Variants in PARD3B observed in about 807,000 individuals in gnomAD.
The protein encoded by PARD3B is partitioning defective 3 homolog B.
PARD3B carries 103 observed loss-of-function variants against 130.2 expected under a neutral mutation model. The ratio of observed to expected loss-of-function variants is 0.79; its 90% CI spans 0.67 to 0.93. The LOEUF is 0.93. Among genes scored for constraint, PARD3B ranks in the 40% least tolerant of loss-of-function variants. PARD3B has a pLI of 0.00. For synonymous variants in PARD3B, 583 were observed against 553.2 expected, an observed-to-expected ratio of 1.05 and a Z score of -0.76; for missense variants, 1,609 against 1,499.2, an observed-to-expected ratio of 1.07 and a Z score of -1.21.
rs141652774 is a variant in PARD3B at position 205,584,448 on chromosome 2, C to T, written c.3261-31008C>T. Among the ~76,000 whole-genome samples, 10,884 of 152,124 alleles carry T rather than the reference C, an allele frequency of 0.072. 546 individuals carry two copies. Among genetic ancestry groups the T allele is most frequent in the Non-Finnish European group, 0.11 (7,698 of 67,984 alleles). ...ATCCCAGCACTTTAGGAGGCCGAGG[C>T]AGGCCGATCACCTGACGTCAGGAGT... On this transcript the variant is annotated intron_variant, in intron 22 of 22. Transcript: ENST00000406610. This position sits in a 1 kb window ranked among gnomAD's most constrained non-coding sequence, Gnocchi z 5.5.
Position 205,619,595 on chromosome 2 carries a change from C to T in PARD3B, c.*3782C>T, listed in dbSNP as rs1275344862. 1 of 152,064 alleles carries T rather than the reference C, an allele frequency of 6.6e-6. No homozygotes were observed. Among genetic ancestry groups the T allele is most frequent in the Non-Finnish European group, 1.5e-5 (1 of 68,002 alleles). The allele number at this position is 152,064 out of a possible 1,614,324, so 9.4% of individuals were successfully genotyped here. Reference sequence around the variant, plus strand: ...AACTTAGCTGGAAACGATGCCACAGCGAGACCAGAAAGAGGAGTCGCCTTA... The same window carrying T: ...AACTTAGCTGGAAACGATGCCACAGTGAGACCAGAAAGAGGAGTCGCCTTA... On this transcript the variant is annotated 3_prime_UTR_variant, in exon 23 of 23. Coordinates refer to ENST00000406610, the MANE Select transcript of PARD3B (RefSeq NM_001302769.2).
chr2:205,500,509 C>A (rs1004805643), intron 21 of PARD3B, among the ~76,000 whole-genome samples: 1 of 152,002 alleles, frequency 6.6e-6, no homozygotes, highest in African/African-American at 2.4e-5. Context: ...GAGATAAGGG[C>A]AGTTTTTGTA....
intron 3 of PARD3B, among the ~76,000 whole-genome samples, chr2:204,973,092 C>T (rs73984457): frequency 0.01 from 1,540 of 152,278 alleles, 23 homozygotes; most frequent in African/African-American, 0.035. Context: ...AGTAAAACCA[C>T]CATCGTCCTC....
At chr2:205,032,430 A>G (rs1697492262) in intron 3 of PARD3B, among the ~76,000 whole-genome samples, 1 of 152,124 alleles carries the variant, frequency 6.6e-6, no homozygotes, top group Admixed American at 6.6e-5. Context: ...GCATAATGTA[A>G]AAGGTGCCTG....
intron 21 of PARD3B, among the ~76,000 whole-genome samples, chr2:205,513,338 A>G (rs1052097012): frequency 6.6e-6 from 1 of 152,012 alleles, no homozygotes; most frequent in African/African-American, 2.4e-5. Flanking sequence ...CTTTCTATGT[A>G]TGGATATATA....
rs2041150535 is a variant in PARD3B at position 205,280,592 on chromosome 2, T to TAAG, written c.2186-19937_2186-19935dup. 2.0e-5 allele frequency among the ~76,000 whole-genome samples: 3 copies of TAAG among 152,224 alleles called. No individual in the cohort carries two copies. Among genetic ancestry groups the TAAG allele is most frequent in the Admixed American group, 2.0e-4 (3 of 15,290 alleles). The stretch of plus-strand genomic sequence containing the variant: ...CAAATTCCGATGTCAGTTTTGTAAA[T>TAAG]AAGTATCTGTTGTCTCCCCAGATCA... On this transcript the variant is annotated intron_variant, in intron 16 of 22. Transcript: ENST00000406610. The surrounding 1 kb of genome is among the most constrained non-coding windows in gnomAD (Gnocchi z 4.7).
Position 205,300,136 on chromosome 2 carries a change from G to T in PARD3B, c.2186-394G>T, listed in dbSNP as rs1427972939. On this transcript the variant is annotated intron_variant, in intron 16 of 22. Coordinates refer to ENST00000406610, the MANE Select transcript of PARD3B (RefSeq NM_001302769.2). The surrounding 1 kb of genome is among the most constrained non-coding windows in gnomAD (Gnocchi z 4.1). ...GCTTGGTATGTTTGTGTGTGTGTCTGTGAGTATGCATGTGTGTATGTGGGT... is the reference window on the plus strand; with the variant it reads ...GCTTGGTATGTTTGTGTGTGTGTCTTTGAGTATGCATGTGTGTATGTGGGT... 6.6e-6 allele frequency among the ~76,000 whole-genome samples: 1 copy of T among 152,188 alleles called. No individual in the cohort carries two copies. Among genetic ancestry groups the T allele is most frequent in the Non-Finnish European group, 1.5e-5 (1 of 68,032 alleles).
chr2:205,551,696 C>T (rs1354793114), intron 21 of PARD3B, among the ~76,000 whole-genome samples: 2 of 152,154 alleles, frequency 1.3e-5, no homozygotes, highest in African/African-American at 4.8e-5. Flanking sequence ...CTCCCCATAT[C>T]CCCAACCCCA....
At chr2:204,556,541 C>A (rs112129165) in intron 1 of PARD3B, among the ~76,000 whole-genome samples, 2 of 151,894 alleles carry the variant, frequency 1.3e-5, no homozygotes, top group East Asian at 3.9e-4. Context: ...GAATTTTCCA[C>A]GAGAAAAGTG....
intron 11 of PARD3B, among the ~76,000 whole-genome samples, chr2:205,169,777 A>C (rs1217247654): frequency 6.6e-6 from 1 of 152,146 alleles, no homozygotes; most frequent in Admixed American, 6.5e-5. Context: ...AAAACCACAC[A>C]TCAGTCTCCA....
chr2:204,545,895 G>T lies in PARD3B; in HGVS notation c.-105G>T, dbSNP rs368395071. 2.4e-3 allele frequency: 3,071 copies of T among 1,284,294 alleles called. 5 individuals carry two copies. Among genetic ancestry groups the T allele is most frequent in the Middle Eastern group, 3.7e-3 (13 of 3,546 alleles). 79.6% of individuals were successfully genotyped at this position (1,284,294 alleles called of 1,614,324 possible). Reference sequence around the variant, plus strand: ...AGGGTGTTCCGGGGAGCGGCGCCCCGGGTCTCTGGGCCCACCCGCCCCGGG... The same window carrying T: ...AGGGTGTTCCGGGGAGCGGCGCCCCTGGTCTCTGGGCCCACCCGCCCCGGG... On this transcript the variant is annotated 5_prime_UTR_variant, in exon 1 of 23. Transcript: ENST00000406610.
chr2:205,308,299 G>T (rs4675511), intron 18 of PARD3B, among the ~76,000 whole-genome samples: 84,748 of 151,852 alleles, frequency 0.56, 27,336 homozygotes, highest in South Asian at 0.75. Flanking sequence ...TGAGTTCATT[G>T]TGGTGAGATT....
chr2:204,607,779 C>T (rs1343679182), intron 1 of PARD3B, among the ~76,000 whole-genome samples: 7 of 152,152 alleles, frequency 4.6e-5, no homozygotes, highest in Admixed American at 3.9e-4. Flanking sequence ...CCTGTACTAA[C>T]AGACTTCGCG....
At chr2:205,257,338 T>A (rs973254676) in intron 16 of PARD3B, among the ~76,000 whole-genome samples, 18 of 151,962 alleles carry the variant, frequency 1.2e-4, no homozygotes, top group African/African-American at 3.6e-4. Flanking sequence ...AGTTTTTTTT[T>A]TAAACCAAGC....
chr2:204,686,083 C>G (rs1472509008), intron 1 of PARD3B, 98 bp from the exon 2 acceptor site: 1 of 801,564 alleles, frequency 1.2e-6, no homozygotes, highest in Non-Finnish European at 2.0e-6. Context: ...ATTACTAGAA[C>G]ATATTTTTAA....
In PARD3B at chr2:205,568,673, A is replaced by G. The variant is rs2053450734; in HGVS notation, c.3260+15270A>G. On this transcript the variant is annotated intron_variant, in intron 22 of 22. Transcript: ENST00000406610. This position sits in a 1 kb window ranked among gnomAD's most constrained non-coding sequence, Gnocchi z 5.3. ...GAGGTAAAGTTCTACATGGATTTCAACATGTCATCTTTGCTTCAATTATGA... is the reference window on the plus strand; with the variant it reads ...GAGGTAAAGTTCTACATGGATTTCAGCATGTCATCTTTGCTTCAATTATGA... Among the ~76,000 whole-genome samples the G allele has an allele frequency of 6.6e-6, 1 of 152,202 alleles. No individual in the cohort carries two copies. The highest frequency in any genetic ancestry group is 2.4e-5 in the African/African-American group (1 of 41,466).
chr2:205,064,630 C>T (rs1046937450), intron 4 of PARD3B, among the ~76,000 whole-genome samples: 3 of 152,114 alleles, frequency 2.0e-5, no homozygotes, highest in Admixed American at 1.3e-4. Flanking sequence ...CGCAGACATT[C>T]CCATAAGTGT....
intron 16 of PARD3B, among the ~76,000 whole-genome samples, chr2:205,271,416 G>A (rs1373658643): frequency 6.6e-6 from 1 of 152,194 alleles, no homozygotes; most frequent in Non-Finnish European, 1.5e-5. Flanking sequence ...TCACTGCTAT[G>A]TGATCATGAT....
In PARD3B at chr2:205,158,811, C is replaced by G. The variant is rs1458434555; in HGVS notation, c.1524C>G (p.Gly508=). The G allele has an allele frequency of 6.2e-7, 1 of 1,614,030 alleles. No individual in the cohort carries two copies. Among genetic ancestry groups the G allele is most frequent in the African/African-American group, 1.3e-5 (1 of 74,908 alleles). Residue 508 remains glycine, a synonymous_variant, in exon 11 of 23, where the codon GGC becomes GGG. Transcript: ENST00000406610. This position sits in a 1 kb window ranked among gnomAD's most constrained non-coding sequence, Gnocchi z 5.4. ...CCCTGAATGATTCAGGTTCTGCTGG[C>G]CTCGGGGTGAGCTTAAAAGGGAACA... ...EIPLNDSGSA[G]LGVSLKGNKS...
Sources: allele counts gnomAD v4.1 joint callset (sites outside exome capture counted in the v4.1 genomes callset), GRCh38; gene constraint gnomAD v4.1.1; non-coding constraint Gnocchi (gnomAD v3.1); transcripts MANE v1.5; gene names NCBI Gene and HGNC (gene_info 2026-07-23, HGNC 2026-07-21).